DNAJC24: variants seen among roughly 807,000 people sequenced by gnomAD.
DNAJC24 encodes DnaJ heat shock protein family (Hsp40) member C24, also known as dnaJ homolog subfamily C member 24.
DNAJC24 carries 17 observed loss-of-function variants against 18.0 expected under a neutral mutation model. The ratio of observed to expected loss-of-function variants is 0.94; its 90% CI spans 0.65 to 1.42. DNAJC24 has a LOEUF of 1.42. Ranked by LOEUF, DNAJC24 falls within the 40% of genes most tolerant of loss-of-function variation. DNAJC24 has a pLI of 0.00. For missense variants in DNAJC24, 158 were observed against 175.6 expected (o/e 0.90, Z 0.57); for synonymous variants, 55 against 57.7 (o/e 0.95, Z 0.21).
chr11:31,413,462 C>T (rs1182431360), intron 2 of DNAJC24, among the ~76,000 whole-genome samples: 1 of 151,234 alleles, frequency 6.6e-6, no homozygotes, highest in Non-Finnish European at 1.5e-5. Flanking sequence ...TCCTGAGTAG[C>T]TGGGATTACA....
At chr11:31,426,539 G>A (rs1306326772) in intron 4 of DNAJC24, 184 bp downstream of exon 4, 2 of 480,754 alleles carry the variant, frequency 4.2e-6, no homozygotes, top group Non-Finnish European at 7.2e-6. Flanking sequence ...ATTGACTGAT[G>A]TCCCCCTATA....
intron 2 of DNAJC24, chr11:31,374,087 C>A: frequency 2.6e-6 from 1 of 386,376 alleles, no homozygotes; most frequent in Non-Finnish European, 5.4e-6. Context: ...CTTGTATTTC[C>A]TTTTCTTACG....
Position 31,426,293 on chromosome 11 carries a change from A to G in DNAJC24, c.257A>G (p.Asp86Gly), listed in dbSNP as rs1380687591. The change falls in exon 4 of 5, where the codon GAT becomes GGT. Residue 86 changes from aspartate to glycine, a missense_variant. By Grantham distance (94) the Asp-to-Gly change is moderately conservative. Transcript: ENST00000465995. ...CATGTTTTATGTTTTACAGAAGATG[A>G]TCTAAGAAATGTAGGACCAGTAGAT... Reference protein sequence around the residue: ...REYDLQRCEDDLRNVGPVDAQ... With the variant: ...REYDLQRCEDGLRNVGPVDAQ... The G allele has an allele frequency of 3.9e-6, 6 of 1,540,364 alleles. No individual in the cohort carries two copies. Among genetic ancestry groups the G allele is most frequent in the Non-Finnish European group, 5.3e-6 (6 of 1,133,740 alleles).
At position 31,432,372 on chromosome 11, in the gene DNAJC24, T is replaced by C; in HGVS notation, c.*1971T>C. On this transcript the variant is annotated 3_prime_UTR_variant, in exon 5 of 5. Coordinates refer to ENST00000465995, the MANE Select transcript of DNAJC24 (RefSeq NM_181706.5). ...GGCAGAATGTGTGTTGAATATTCTTTACATTTAACAATTAAAAACAACTAA... is the reference window on the plus strand; with the variant it reads ...GGCAGAATGTGTGTTGAATATTCTTCACATTTAACAATTAAAAACAACTAA... 1 of 612,718 alleles carries C rather than the reference T, an allele frequency of 1.6e-6. No homozygotes were observed. 38.0% of individuals were successfully genotyped at this position (612,718 alleles called of 1,614,324 possible). A position where few individuals can be genotyped will look rare whatever the true frequency, so the allele number is the denominator to read the frequency against.
At chr11:31,385,884 T>C (rs481683) in intron 2 of DNAJC24, among the ~76,000 whole-genome samples, 63,827 of 151,916 alleles carry the variant, frequency 0.42, 14,416 homozygotes, top group African/African-American at 0.58. Context: ...CTACACCATC[T>C]CTCCCCCATC....
chr11:31,399,889 G>A (rs1952583737), intron 2 of DNAJC24, among the ~76,000 whole-genome samples: 1 of 151,688 alleles, frequency 6.6e-6, no homozygotes, highest in Admixed American at 6.6e-5. Context: ...TTAGGTATTT[G>A]TCCAGATGCT....
At chr11:31,393,270 G>A (rs1168112828) in intron 2 of DNAJC24, among the ~76,000 whole-genome samples, 1 of 152,100 alleles carries the variant, frequency 6.6e-6, no homozygotes, top group Non-Finnish European at 1.5e-5. Context: ...CCTACAAGGA[G>A]GAGTGAAACA....
intron 2 of DNAJC24, among the ~76,000 whole-genome samples, chr11:31,397,299 A>G (rs1278489989): frequency 1.3e-5 from 2 of 152,210 alleles, no homozygotes; most frequent in East Asian, 1.9e-4. Flanking sequence ...CCAGTTTTAC[A>G]CGTGGGTTAT....
chr11:31,394,565 A>G (rs1952527568), intron 2 of DNAJC24, among the ~76,000 whole-genome samples: 1 of 151,918 alleles, frequency 6.6e-6, no homozygotes, highest in Non-Finnish European at 1.5e-5. Context: ...TAAAATAAAA[A>G]CCCAAAATAC....
intron 2 of DNAJC24, among the ~76,000 whole-genome samples, chr11:31,396,877 C>T (rs946114760): frequency 6.6e-6 from 1 of 152,120 alleles, no homozygotes; most frequent in African/African-American, 2.4e-5. Flanking sequence ...CATTCTTGGT[C>T]TGACTTACAG....
chr11:31,429,760 T>C (rs1952902273), intron 4 of DNAJC24: 1 of 163,456 alleles, frequency 6.1e-6, no homozygotes, highest in African/African-American at 2.4e-5. Flanking sequence ...TAAGTCAAGA[T>C]TCTTGAAATA....
At position 31,379,193 on chromosome 11, in the gene DNAJC24, A is replaced by G. The variant is rs1310772137; in HGVS notation, c.111+8334A>G. Among the ~76,000 whole-genome samples, 5 of 152,266 alleles carry G rather than the reference A, an allele frequency of 3.3e-5. No individual in the cohort carries two copies. In the East Asian group the frequency reaches 7.7e-4, roughly 24 times the overall value. ...TCCATGGCCAGTTAGGAACCAGGCC[A>G]TGCAGCAGGTGGTGCGGAGCCAGTG... On this transcript the variant is annotated intron_variant, in intron 2 of 4. Coordinates refer to ENST00000465995, the MANE Select transcript of DNAJC24 (RefSeq NM_181706.5).
rs375231361 is a variant in DNAJC24 at position 31,430,345 on chromosome 11, A to C, written c.394A>C (p.Ser132Arg). 30 of 1,611,380 alleles carry C rather than the reference A, an allele frequency of 1.9e-5. No individual in the cohort carries two copies. The highest frequency in any genetic ancestry group is 6.7e-5 in the East Asian group (3 of 44,752). Residue 132 changes from serine (S) to arginine (R), a missense_variant, in exon 5 of 5, where the codon AGC becomes CGC. Ser to Arg is a moderately radical substitution (Grantham distance 110). Coordinates refer to ENST00000465995, the MANE Select transcript of DNAJC24 (RefSeq NM_181706.5). ...TTCCAAGGATGAAGCGGAAGAAGTT[A>C]GCCTGATTTCTTGTGATACATGTTC... The part of the protein sequence containing the change: ...SVSKDEAEEV[S>R]LISCDTCSLI...
intron 3 of DNAJC24, among the ~76,000 whole-genome samples, chr11:31,424,504 A>G (rs2133505069): frequency 6.6e-6 from 1 of 152,268 alleles, no homozygotes; most frequent in Non-Finnish European, 1.5e-5. Flanking sequence ...TAAAAATAGG[A>G]GTATCTGAAG....
At chr11:31,413,563 A>G (rs1952729030) in intron 2 of DNAJC24, among the ~76,000 whole-genome samples, 1 of 151,848 alleles carries the variant, frequency 6.6e-6, no homozygotes. Context: ...CGATCTCCTG[A>G]CCTTGTGATC....
At chr11:31,405,695 T>C (rs1227607962) in intron 2 of DNAJC24, among the ~76,000 whole-genome samples, 3 of 152,028 alleles carry the variant, frequency 2.0e-5, no homozygotes, top group African/African-American at 7.2e-5. Context: ...CTTCATGCAG[T>C]CCTCCCGCCT....
At chr11:31,395,616 C>G (rs185126340) in intron 2 of DNAJC24, among the ~76,000 whole-genome samples, 20 of 152,206 alleles carry the variant, frequency 1.3e-4, no homozygotes, top group African/African-American at 4.6e-4. Context: ...TATATTGACT[C>G]ATAATGTGTT....
chr11:31,373,189 A>C (rs183571516), intron 2 of DNAJC24, among the ~76,000 whole-genome samples: 6 of 135,088 alleles, frequency 4.4e-5, no homozygotes, highest in African/African-American at 1.5e-4. Flanking sequence ...TTTTGACAAA[A>C]TATAATTTAT....
At chr11:31,393,961 T>C (rs1004415320) in intron 2 of DNAJC24, among the ~76,000 whole-genome samples, 1 of 152,172 alleles carries the variant, frequency 6.6e-6, no homozygotes, top group African/African-American at 2.4e-5. Flanking sequence ...AACAGTTTCC[T>C]CAAGTGATCA....
Sources: allele counts gnomAD v4.1 joint callset (sites outside exome capture counted in the v4.1 genomes callset), GRCh38; gene constraint gnomAD v4.1.1; transcripts MANE v1.5; gene names NCBI Gene and HGNC (gene_info 2026-07-23, HGNC 2026-07-21).